Variants in TBC1D23 observed in about 807,000 individuals in gnomAD.
The protein encoded by TBC1D23 is HCV non-structural protein 4A-transactivated protein 1.
Under a neutral mutation model 91.4 loss-of-function variants are expected in TBC1D23, and 55 were observed. That is an observed-to-expected ratio of 0.60 (90% CI 0.48 to 0.75). The LOEUF is 0.75. TBC1D23 is among the 30% of genes least tolerant of loss of function. The pLI is 0.00. For synonymous variants in TBC1D23, 289 were observed against 281.0 expected (o/e 1.03, Z -0.28); for missense variants, 725 against 836.1 (o/e 0.87, Z 1.64).
chr3:100,290,437 G>T (rs576689949), intron 4 of TBC1D23, 141 bp from the exon 5 acceptor site: 42 of 718,482 alleles, frequency 5.8e-5, no homozygotes, highest in Non-Finnish European at 9.0e-5. Flanking sequence ...ATTGAAAAAG[G>T]TATTAGCAAG....
At chr3:100,284,331 T>A (rs527603677) in intron 4 of TBC1D23, among the ~76,000 whole-genome samples, 140 of 151,934 alleles carry the variant, frequency 9.2e-4, no homozygotes, top group African/African-American at 3.3e-3. Flanking sequence ...AAAAATAATT[T>A]AAAAATTAAA....
chr3:100,303,444 T>G (rs975105272), intron 11 of TBC1D23, among the ~76,000 whole-genome samples: 1 of 152,068 alleles, frequency 6.6e-6, no homozygotes, highest in African/African-American at 2.4e-5. Flanking sequence ...GGAACCAAAC[T>G]CATTTCATTC....
chr3:100,309,442 TCA>T (rs886671656), intron 13 of TBC1D23, among the ~76,000 whole-genome samples: 3 of 152,058 alleles, frequency 2.0e-5, no homozygotes, highest in Admixed American at 6.5e-5. Context: ...GGCTCCACAC[TCA>T]CATATGTGCA....
intron 1 of TBC1D23, among the ~76,000 whole-genome samples, chr3:100,278,787 C>T (rs2067671262): frequency 6.6e-6 from 1 of 152,174 alleles, no homozygotes; most frequent in African/African-American, 2.4e-5. Context: ...AAATTAAATT[C>T]ATACTTTTCT....
At chr3:100,321,224 G>C (rs927131038) in intron 18 of TBC1D23, among the ~76,000 whole-genome samples, 2 of 152,176 alleles carry the variant, frequency 1.3e-5, no homozygotes, top group East Asian at 3.8e-4. Context: ...TTGTTAATCT[G>C]TACCAGTGCT....
At chr3:100,290,986 A>C (rs993382255) in intron 5 of TBC1D23, among the ~76,000 whole-genome samples, 1 of 152,234 alleles carries the variant, frequency 6.6e-6, no homozygotes, top group African/African-American at 2.4e-5. Context: ...TCATATTTAC[A>C]TATATGTAAT....
chr3:100,267,578 C>T (rs2067567177), intron 1 of TBC1D23, among the ~76,000 whole-genome samples: 1 of 152,108 alleles, frequency 6.6e-6, no homozygotes, highest in Non-Finnish European at 1.5e-5. Context: ...TTAATAATTT[C>T]AGCAAGGAGA....
At chr3:100,264,966 G>A (rs1030350601) in intron 1 of TBC1D23, among the ~76,000 whole-genome samples, 6 of 152,126 alleles carry the variant, frequency 3.9e-5, no homozygotes, top group African/African-American at 1.2e-4. Context: ...AGCTGCTGGG[G>A]GTTGCCAATT....
intron 11 of TBC1D23, among the ~76,000 whole-genome samples, 194 bp from the exon 12 acceptor site, chr3:100,304,652 G>A (rs1705486843): frequency 6.6e-6 from 1 of 152,168 alleles, no homozygotes; most frequent in African/African-American, 2.4e-5. Context: ...TCCCACCCAA[G>A]CACCAGAACT....
Position 100,263,246 on chromosome 3 carries a change from G to A in TBC1D23, c.53+2175G>A, listed in dbSNP as rs140096799. Among the ~76,000 whole-genome samples the A allele has an allele frequency of 4.3e-3, 652 of 152,330 alleles. 6 individuals are homozygous for A. Among genetic ancestry groups the A allele is most frequent in the African/African-American group, 0.015 (603 of 41,562 alleles). The stretch of plus-strand genomic sequence containing the variant: ...GGGGGAGCTTTTTGAGCCAGGATGA[G>A]CCAGGAAAAGGACTTTCACAAGGTA... On this transcript the variant is annotated intron_variant, in intron 1 of 18. Coordinates refer to ENST00000394144, the MANE Select transcript of TBC1D23 (RefSeq NM_001199198.3).
intron 1 of TBC1D23, among the ~76,000 whole-genome samples, chr3:100,270,364 C>T (rs1045012301): frequency 3.9e-5 from 6 of 152,004 alleles, no homozygotes; most frequent in African/African-American, 1.5e-4. Flanking sequence ...GTAAAGGGGA[C>T]GAGAGCTGAG....
intron 15 of TBC1D23, chr3:100,315,817 A>G (rs1005246082): frequency 3.7e-5 from 15 of 406,972 alleles, no homozygotes; most frequent in Non-Finnish European, 6.3e-5. Flanking sequence ...AGATCTAAGC[A>G]TTGGTTTTAA....
intron 1 of TBC1D23, among the ~76,000 whole-genome samples, chr3:100,274,411 A>T (rs1000660120): frequency 2.0e-5 from 3 of 152,276 alleles, no homozygotes; most frequent in South Asian, 2.1e-4. Flanking sequence ...TGATTTTTTT[A>T]AATTGTGGTA....
At chr3:100,321,097 T>C in intron 18 of TBC1D23, 126 bp downstream of exon 18, 1 of 675,870 alleles carries the variant, frequency 1.5e-6, no homozygotes, top group Non-Finnish European at 2.4e-6. Flanking sequence ...TGAACCACTT[T>C]TAGTGTTTCT....
Position 100,296,294 on chromosome 3 carries a change from C to A in TBC1D23, c.876+19C>A. ...TAGGAAGGTATAAGACCAGAAATGA[C>A]CAACTATGTTGTATTTCATATTTTG... is the stretch of plus-strand genomic sequence containing the variant. On this transcript the variant is annotated intron_variant, in intron 8 of 18. Coordinates refer to ENST00000394144, the MANE Select transcript of TBC1D23 (RefSeq NM_001199198.3). The A allele has an allele frequency of 7.4e-7, 1 of 1,347,318 alleles. No individual in the cohort carries two copies. Among genetic ancestry groups the A allele is most frequent in the Non-Finnish European group, 1.0e-6 (1 of 957,200 alleles). 83.5% of individuals were successfully genotyped at this position (1,347,318 alleles called of 1,614,324 possible). A position where few individuals can be genotyped will look rare whatever the true frequency, so the allele number is the denominator to read the frequency against.
chr3:100,280,791 C>T (rs142714335), intron 2 of TBC1D23, among the ~76,000 whole-genome samples: 113 of 152,322 alleles, frequency 7.4e-4, no homozygotes, highest in African/African-American at 2.4e-3. Context: ...TCATCCTTTC[C>T]TCCCCACCCA....
At chr3:100,290,730 T>A in intron 5 of TBC1D23, 29 bp downstream of exon 5, 1 of 1,546,284 alleles carries the variant, frequency 6.5e-7, no homozygotes, top group Non-Finnish European at 8.7e-7. Flanking sequence ...GAACATTTAA[T>A]GAAAAATAGA....
At chr3:100,306,655 G>A in intron 13 of TBC1D23, 112 bp downstream of exon 13, 1 of 597,406 alleles carries the variant, frequency 1.7e-6, no homozygotes. Flanking sequence ...TCAAACACAT[G>A]CAATGAAGAG....
chr3:100,324,461 T>C lies in TBC1D23; in HGVS notation c.*793T>C, dbSNP rs1433415004. On this transcript the variant is annotated 3_prime_UTR_variant, in exon 19 of 19. Coordinates refer to ENST00000394144, the MANE Select transcript of TBC1D23 (RefSeq NM_001199198.3). ...TATTACAAGCGGATTATTTTATTCA[T>C]ATTTTAAAACAAATGTTTAAGCCAC... 1.3e-5 allele frequency: 2 copies of C among 152,224 alleles called. No homozygotes were observed. Among genetic ancestry groups the C allele is most frequent in the Admixed American group, 6.5e-5 (1 of 15,288 alleles). The allele number at this position is 152,224 out of a possible 1,614,324, so 9.4% of individuals were successfully genotyped here.
Sources: gnomAD v4.1 joint callset for allele counts (sites outside exome capture counted in the v4.1 genomes callset) on GRCh38, gnomAD v4.1.1 for gene constraint, MANE v1.5 for transcripts, NCBI Gene and HGNC (gene_info 2026-07-23, HGNC 2026-07-21) for gene names.